Variants in B3GALT1 observed in about 807,000 individuals in gnomAD.
B3GALT1 encodes the protein beta-1,3-galactosyltransferase 1.
B3GALT1 carries 10 observed loss-of-function variants against 23.2 expected under a neutral mutation model. The observed-to-expected ratio is 0.43, with a 90% CI of 0.27 to 0.73. The LOEUF (loss-of-function observed/expected upper bound fraction) is 0.73. B3GALT1 is among the 30% of genes least tolerant of loss of function. The pLI, the probability that B3GALT1 is intolerant of heterozygous loss-of-function variation, is 0.21. For synonymous variants in B3GALT1, 156 were observed against 141.5 expected (o/e 1.10, Z -0.73); for missense variants, 299 against 405.4 (o/e 0.74, Z 2.25).
At chr2:167,546,719 G>A (rs77420308) in intron 2 of B3GALT1, among the ~76,000 whole-genome samples, 3,065 of 152,248 alleles carry the variant, frequency 0.02, 37 homozygotes, top group Non-Finnish European at 0.031. Context: ...GCTTAATGTG[G>A]AAGAACACCC....
At chr2:167,457,253 G>T (rs1699186165) in intron 1 of B3GALT1, among the ~76,000 whole-genome samples, 1 of 151,842 alleles carries the variant, frequency 6.6e-6, no homozygotes, top group African/African-American at 2.4e-5. Flanking sequence ...GCTCACTGCA[G>T]CTTCCGCCTC....
chr2:167,774,506 T>C (rs1056969950), intron 3 of B3GALT1, among the ~76,000 whole-genome samples: 9 of 130,726 alleles, frequency 6.9e-5, no homozygotes, highest in Non-Finnish European at 1.4e-4. Flanking sequence ...TGTTTTTTTT[T>C]TTTTTTTTGG....
intron 3 of B3GALT1, among the ~76,000 whole-genome samples, chr2:167,738,331 T>C (rs1477365755): frequency 2.0e-5 from 3 of 152,172 alleles, no homozygotes; most frequent in Non-Finnish European, 4.4e-5. Context: ...TGTGCATCTA[T>C]ATATGGAGTG....
intron 1 of B3GALT1, among the ~76,000 whole-genome samples, chr2:167,448,507 A>G (rs1040709000): frequency 6.6e-6 from 1 of 151,964 alleles, no homozygotes; most frequent in Middle Eastern, 3.2e-3. Flanking sequence ...TAGATTCTGG[A>G]TACCCGTCCT....
intron 3 of B3GALT1, among the ~76,000 whole-genome samples, chr2:167,668,189 G>A (rs1385969106): frequency 6.6e-6 from 1 of 151,868 alleles, no homozygotes; most frequent in East Asian, 1.9e-4. Context: ...CTCAGCTGCA[G>A]GTCTGTTGGA....
chr2:167,609,240 A>G (rs946087728), intron 2 of B3GALT1, among the ~76,000 whole-genome samples: 2 of 152,136 alleles, frequency 1.3e-5, no homozygotes, highest in African/African-American at 4.8e-5. Context: ...CTATGTTTTC[A>G]TGACTTAGAT....
chr2:167,446,511 T>C (rs1266335583), intron 1 of B3GALT1, among the ~76,000 whole-genome samples: 1 of 152,212 alleles, frequency 6.6e-6, no homozygotes. Flanking sequence ...CAGTCAGACA[T>C]AGATTTGGTC....
At chr2:167,298,154 A>G (rs1269157097) in intron 1 of B3GALT1, among the ~76,000 whole-genome samples, 1 of 152,178 alleles carries the variant, frequency 6.6e-6, no homozygotes, top group Non-Finnish European at 1.5e-5. Context: ...ACTGTTAATG[A>G]GAGCTAAGCA....
chr2:167,840,015 T>C (rs1689601709), intron 4 of B3GALT1, among the ~76,000 whole-genome samples: 1 of 152,144 alleles, frequency 6.6e-6, no homozygotes, highest in Non-Finnish European at 1.5e-5. Context: ...TTACACCTTA[T>C]ACAAAAATCA....
chr2:167,460,359 AT>A (rs1203157247), intron 1 of B3GALT1, among the ~76,000 whole-genome samples: 1 of 151,092 alleles, frequency 6.6e-6, no homozygotes, highest in Admixed American at 6.6e-5. Flanking sequence ...AAGTTTGCTG[AT>A]TTTTTTTCTT....
In B3GALT1 at chr2:167,528,916, C is replaced by T. The variant is rs191099506; in HGVS notation, c.-410+38639C>T. Among the ~76,000 whole-genome samples, 13 of 152,174 alleles carry T rather than the reference C, an allele frequency of 8.5e-5. No individual in the cohort carries two copies. The East Asian group carries it at 2.1e-3, about 25-fold the overall frequency. On this transcript the variant is annotated intron_variant, in intron 2 of 4. Coordinates refer to ENST00000392690, the MANE Select transcript of B3GALT1 (RefSeq NM_020981.4). Reference sequence around the variant, plus strand: ...GGTCTGCTTCTGGCTTCTCTGCTCCCTTTTGTATTAATAGTAAAACTCCTC... The same window carrying T: ...GGTCTGCTTCTGGCTTCTCTGCTCCTTTTTGTATTAATAGTAAAACTCCTC...
intron 1 of B3GALT1, among the ~76,000 whole-genome samples, chr2:167,412,395 C>G (rs1285894427): frequency 6.6e-6 from 1 of 152,014 alleles, no homozygotes; most frequent in African/African-American, 2.4e-5. Context: ...GAAGAATGTT[C>G]ACAAATTGAT....
intron 3 of B3GALT1, among the ~76,000 whole-genome samples, chr2:167,702,055 C>T (rs1574221312): frequency 6.6e-6 from 1 of 152,194 alleles, no homozygotes; most frequent in South Asian, 2.1e-4. Context: ...ACATTCATAA[C>T]GTTAGGATCT....
chr2:167,836,291 A>G (rs1476597044), intron 4 of B3GALT1, among the ~76,000 whole-genome samples: 1 of 151,328 alleles, frequency 6.6e-6, no homozygotes. Context: ...AAAATTTAGA[A>G]GAATGTATAA....
At chr2:167,417,473 T>C (rs1249280255) in intron 1 of B3GALT1, among the ~76,000 whole-genome samples, 1 of 152,202 alleles carries the variant, frequency 6.6e-6, no homozygotes, top group Non-Finnish European at 1.5e-5. Context: ...TTTGTTTGTT[T>C]TTCCTAATTA....
At chr2:167,670,581 C>CT (rs1420387822) in intron 3 of B3GALT1, among the ~76,000 whole-genome samples, 4 of 152,154 alleles carry the variant, frequency 2.6e-5, no homozygotes, top group Non-Finnish European at 5.9e-5. Context: ...GCTCTATGAA[C>CT]TGTCTGGCAA....
rs1489025764 is a variant in B3GALT1, at chr2:167,621,378, G to A, written c.-409-25531G>A. Among the ~76,000 whole-genome samples, 6 of 151,976 alleles carry A rather than the reference G, an allele frequency of 3.9e-5. No homozygotes were observed. The East Asian group carries it at 9.7e-4, about 25-fold the overall frequency. ...TGGAATTACAGGCGTGAGCCACCTT[G>A]CCTGGCCAGTGAGTTATTTTCAATC... On this transcript the variant is annotated intron_variant, in intron 2 of 4. Transcript: ENST00000392690.
At chr2:167,658,097 TAAG>T in intron 3 of B3GALT1, among the ~76,000 whole-genome samples, 1 of 152,230 alleles carries the variant, frequency 6.6e-6, no homozygotes, top group South Asian at 2.1e-4. Flanking sequence ...AACTATTTGG[TAAG>T]TATGTGCTAT....
intron 2 of B3GALT1, among the ~76,000 whole-genome samples, chr2:167,641,405 C>A (rs553503698): frequency 1.3e-5 from 2 of 152,254 alleles, no homozygotes; most frequent in Non-Finnish European, 2.9e-5. Flanking sequence ...GACTTCATGA[C>A]CAGGGGCAAG....
Sources: gnomAD v4.1 joint callset for allele counts (sites outside exome capture counted in the v4.1 genomes callset) on GRCh38, gnomAD v4.1.1 for gene constraint, MANE v1.5 for transcripts, NCBI Gene and HGNC (gene_info 2026-07-23, HGNC 2026-07-21) for gene names.